The following SEC62 variants were observed in gnomAD, a reference collection of about 807,000 sequenced individuals.
SEC62 encodes the protein translocation protein SEC62.
SEC62 carries 10 observed loss-of-function variants against 47.5 expected under a neutral mutation model. The observed-to-expected ratio is 0.21, with a 90% CI of 0.13 to 0.36. The LOEUF (loss-of-function observed/expected upper bound fraction) is 0.36. Among genes scored for constraint, SEC62 ranks in the 10% least tolerant of loss-of-function variants. The probability of loss-of-function intolerance (pLI) is 1.00; values close to 1 mark genes in which losing one functional copy is unlikely to be tolerated. For missense variants in SEC62, 327 were observed against 464.1 expected (o/e 0.70, Z 2.71); for synonymous variants, 136 against 150.5 (o/e 0.90, Z 0.71).
At chr3:169,977,576 T>A (rs1411615622) in intron 3 of SEC62, among the ~76,000 whole-genome samples, 1 of 152,194 alleles carries the variant, frequency 6.6e-6, no homozygotes, top group Non-Finnish European at 1.5e-5. Context: ...AATTCAGTAA[T>A]ATACATATAT....
intron 1 of SEC62, among the ~76,000 whole-genome samples, chr3:169,967,427 C>T (rs1420720315): frequency 3.9e-5 from 6 of 152,164 alleles, no homozygotes; most frequent in African/African-American, 1.4e-4. Context: ...TTGCGTTGCC[C>T]TTCTTTCCCT....
At position 169,982,426 on chromosome 3, in the gene SEC62, G is replaced by T. The variant is rs192939426; in HGVS notation, c.252-281G>T. The stretch of plus-strand genomic sequence containing the variant: ...TGAACCCAGAAAGAGTCTTTATATG[G>T]ATAATCTCAAACCTATAATCTCTTT... On this transcript the variant is annotated intron_variant, in intron 3 of 7. Transcript: ENST00000337002. 7.8e-4 allele frequency among the ~76,000 whole-genome samples: 119 copies of T among 152,212 alleles called. 3 individuals carry two copies. Among genetic ancestry groups the T allele is most frequent in the South Asian group, 5.8e-3 (28 of 4,814 alleles).
intron 5 of SEC62, 89 bp from the exon 6 acceptor site, chr3:169,985,716 G>A: frequency 1.0e-6 from 1 of 981,234 alleles, no homozygotes; most frequent in Non-Finnish European, 1.5e-6. Flanking sequence ...GTTGATGACT[G>A]CTTTAAGGGA....
intron 1 of SEC62, among the ~76,000 whole-genome samples, chr3:169,970,600 A>G (rs1714674570): frequency 2.6e-5 from 4 of 152,348 alleles, no homozygotes; most frequent in Non-Finnish European, 5.9e-5. Context: ...AAAGAATTTT[A>G]TAAGAGTATT....
intron 5 of SEC62, chr3:169,983,941 A>G (rs1428859750): frequency 6.6e-6 from 1 of 152,174 alleles, no homozygotes; most frequent in Non-Finnish European, 1.5e-5. Flanking sequence ...GGGGCTTAAA[A>G]TTTTTAACAT....
In SEC62 at chr3:169,993,116, G is replaced by A; in HGVS notation, c.*53G>A. The A allele has an allele frequency of 4.6e-6, 6 of 1,313,932 alleles. No homozygotes were observed. Among genetic ancestry groups the A allele is most frequent in the Non-Finnish European group, 6.2e-6 (6 of 965,424 alleles). The allele number at this position is 1,313,932 out of a possible 1,614,324, so 81.4% of individuals were successfully genotyped here. ...AAGTACAAGAGGTTGGATTTTCTAT[G>A]TTGGCTGATTACCATATTGAACACA... On this transcript the variant is annotated 3_prime_UTR_variant, in exon 8 of 8. Transcript: ENST00000337002.
Position 169,993,184 on chromosome 3 carries a change from T to G in SEC62, c.*121T>G. On this transcript the variant is annotated 3_prime_UTR_variant, in exon 8 of 8. Coordinates refer to ENST00000337002, the MANE Select transcript of SEC62 (RefSeq NM_003262.4). ...TTTAAATCTATCTACTGAAATGTAT[T>G]TGACATTCAAGCAGTTATATTCGGT... The G allele has an allele frequency of 1.3e-6, 1 of 745,210 alleles. No individual in the cohort carries two copies. Among genetic ancestry groups the G allele is most frequent in the Non-Finnish European group, 2.2e-6 (1 of 461,198 alleles). 46.2% of individuals were successfully genotyped at this position (745,210 alleles called of 1,614,324 possible). A position where few individuals can be genotyped will look rare whatever the true frequency, so the allele number is the denominator to read the frequency against.
rs114020608 is a variant in SEC62, at chr3:169,993,207, G to A, written c.*144G>A. 112 of 641,498 alleles carry A rather than the reference G, an allele frequency of 1.7e-4. No homozygotes were observed. Among genetic ancestry groups the A allele is most frequent in the African/African-American group, 1.5e-3 (82 of 54,362 alleles). The allele number at this position is 641,498 out of a possible 1,614,324, so 39.7% of individuals were successfully genotyped here. On this transcript the variant is annotated 3_prime_UTR_variant, in exon 8 of 8. Transcript: ENST00000337002. ...ATTTGACATTCAAGCAGTTATATTC[G>A]GTCCTTCATTTTATAGAATATTGGC...
chr3:169,985,896 T>C (rs755932280), intron 6 of SEC62, 31 bp downstream of exon 6: 8 of 1,508,010 alleles, frequency 5.3e-6, no homozygotes, highest in Non-Finnish European at 7.3e-6. Context: ...AGCTATAAAG[T>C]GCAATCTAAA....
rs747011539 is a variant in SEC62 at position 169,980,265 on chromosome 3, CAACA to C, written c.252-2436_252-2433del. 2.5e-4 allele frequency among the ~76,000 whole-genome samples: 38 copies of C among 151,384 alleles called. No homozygotes were observed. The Middle Eastern group carries it at 0.014, about 55-fold the overall frequency. On this transcript the variant is annotated intron_variant, in intron 3 of 7. Coordinates refer to ENST00000337002, the MANE Select transcript of SEC62 (RefSeq NM_003262.4). ...TTTGAAACATAAATAGGTGATTACC[CAACA>C]AACAAGAGAAGAAAGGAAATTCATT...
chr3:169,976,956 A>T lies in SEC62; in HGVS notation c.156A>T (p.Ala52=), dbSNP rs751196312. Residue 52 remains alanine (A), a synonymous_variant, in exon 3 of 8, where the codon GCA becomes GCT. Transcript: ENST00000337002. ...HRVDYFIASK[A]VDCLLDSKWA... Reference sequence around the variant, plus strand: ...GAATTTCTTCTTTAGCTTCAAAAGCAGTGGACTGTCTTTTGGATTCAAAGT... The same window carrying T: ...GAATTTCTTCTTTAGCTTCAAAAGCTGTGGACTGTCTTTTGGATTCAAAGT... 6.9e-6 allele frequency: 11 copies of T among 1,602,386 alleles called. No individual in the cohort carries two copies. The highest frequency in any genetic ancestry group is 1.1e-5 in the South Asian group (1 of 89,150).
rs762240343 is a variant in SEC62 at position 169,982,800 on chromosome 3, T to C, written c.345T>C (p.Ala115=). The C allele has an allele frequency of 2.5e-6, 4 of 1,568,920 alleles. No homozygotes were observed. Among genetic ancestry groups the C allele is most frequent in the Non-Finnish European group, 3.5e-6 (4 of 1,156,990 alleles). Residue 115 remains alanine, a synonymous_variant, in exon 4 of 8, where the codon GCT becomes GCC. Transcript: ENST00000337002. ...AGAAAGAAAAAGATAAAGGAAAAGC[T>C]GAAAGTGGAAAAGAAGAAGATAAAA... ...DIKKEKDKGK[A]ESGKEEDKKS...
intron 1 of SEC62, 84 bp from the exon 2 acceptor site, chr3:169,975,524 C>A: frequency 1.1e-6 from 1 of 912,312 alleles, no homozygotes; most frequent in Non-Finnish European, 1.7e-6. Context: ...TGAAAAGATT[C>A]ATAAAATAGA....
intron 3 of SEC62, among the ~76,000 whole-genome samples, chr3:169,978,095 A>C (rs6766761): frequency 0.29 from 43,777 of 151,894 alleles, 7,650 homozygotes; most frequent in African/African-American, 0.49. Context: ...CTGGCTAACA[A>C]GGTGAAACCC....
chr3:169,983,139 T>G (rs767851261), intron 4 of SEC62, 22 bp from the exon 5 acceptor site: 3 of 1,567,522 alleles, frequency 1.9e-6, no homozygotes, highest in East Asian at 2.2e-5. Context: ...TTATTTCTTC[T>G]GTCCAACTTG....
chr3:169,992,788 A>C lies in SEC62; in HGVS notation c.925A>C (p.Ser309Arg), dbSNP rs765856488. 4 of 1,614,072 alleles carry C rather than the reference A, an allele frequency of 2.5e-6. No individual in the cohort carries two copies. The African/African-American group carries it at 5.3e-5, about 22-fold the overall frequency. Reference protein sequence around the residue: ...SETKKQQKSDSEEKSDSEKKE... With the variant: ...SETKKQQKSDREEKSDSEKKE... ...AACCAAAAAGCAACAGAAGTCCGAC[A>C]GTGAGGAAAAGTCAGACAGTGAGAA... is the stretch of plus-strand genomic sequence containing the variant. Residue 309 changes from serine (S) to arginine (R), a missense_variant, in exon 8 of 8, where the codon AGT (serine) becomes CGT (arginine). Physicochemically the swap from Ser to Arg is moderately radical, Grantham distance 110 (BLOSUM62 -1). Around this residue, in one of 3 missense-constraint regions of SEC62, gnomAD observed 102 missense variants for 108.8 expected, o/e 0.94. Coordinates refer to ENST00000337002, the MANE Select transcript of SEC62 (RefSeq NM_003262.4). This position sits in a 1 kb window ranked among gnomAD's most constrained non-coding sequence, Gnocchi z 4.0.
Position 169,976,968 on chromosome 3 carries a change from T to G in SEC62, c.168T>G (p.Leu56=). 6.2e-7 allele frequency: 1 copy of G among 1,609,210 alleles called. No individual in the cohort carries two copies. The highest frequency in any genetic ancestry group is 8.5e-7 in the Non-Finnish European group (1 of 1,176,810). Residue 56 remains leucine, a synonymous_variant, in exon 3 of 8, where the codon CTT becomes CTG. Coordinates refer to ENST00000337002, the MANE Select transcript of SEC62 (RefSeq NM_003262.4). ...TAGCTTCAAAAGCAGTGGACTGTCT[T>G]TTGGATTCAAAGTGGGCAAAGGCCA... The part of the protein sequence containing the change: ...YFIASKAVDC[L]LDSKWAKAKK...
chr3:169,980,256 G>C (rs1429304749), intron 3 of SEC62, among the ~76,000 whole-genome samples: 1 of 151,724 alleles, frequency 6.6e-6, no homozygotes, highest in Non-Finnish European at 1.5e-5. Flanking sequence ...ACATAAATAG[G>C]TGATTACCCA....
At chr3:169,971,549 A>C (rs1210249872) in intron 1 of SEC62, among the ~76,000 whole-genome samples, 1 of 152,208 alleles carries the variant, frequency 6.6e-6, no homozygotes, top group Non-Finnish European at 1.5e-5. Flanking sequence ...TAGTTGGGAG[A>C]GATTATCCAA....
Sources: gnomAD v4.1 joint callset for allele counts (sites outside exome capture counted in the v4.1 genomes callset) on GRCh38, gnomAD v4.1.1 for gene constraint, gnomAD v4.1.1 regional missense constraint, Gnocchi (gnomAD v3.1) non-coding constraint, MANE v1.5 for transcripts, NCBI Gene and HGNC (gene_info 2026-07-23, HGNC 2026-07-21) for gene names.